The following WDR89 variants were observed in gnomAD, a reference collection of about 807,000 sequenced individuals.
WDR89 encodes WD repeat domain 89.
A neutral mutation model predicts 29.1 loss-of-function variants in WDR89; 17 were observed. The ratio of observed to expected loss-of-function variants is 0.58; its 90% confidence interval spans 0.40 to 0.88. WDR89 has a LOEUF of 0.88. Among genes scored for constraint, WDR89 ranks in the 40% least tolerant of loss-of-function variants. WDR89 has a pLI of 0.00. For missense variants in WDR89, 396 were observed against 456.3 expected, an observed-to-expected ratio of 0.87 and a Z score of 1.20; for synonymous variants, 138 against 157.8, an observed-to-expected ratio of 0.87 and a Z score of 0.94.
intron 1 of WDR89, chr14:63,641,251 A>C (rs960120457): frequency 6.6e-6 from 1 of 152,260 alleles, no homozygotes; most frequent in Non-Finnish European, 1.5e-5. Flanking sequence ...AGAATGAGTA[A>C]TGTCTAACAC....
At chr14:63,639,039 T>C (rs368900689) in intron 1 of WDR89, among the ~76,000 whole-genome samples, 3 of 152,210 alleles carry the variant, frequency 2.0e-5, no homozygotes, top group Admixed American at 6.5e-5. Context: ...GAGAAAGTGG[T>C]ATGATGATAG....
At chr14:63,637,517 C>A (rs1484460764) in intron 1 of WDR89, among the ~76,000 whole-genome samples, 2 of 152,228 alleles carry the variant, frequency 1.3e-5, no homozygotes, top group Non-Finnish European at 2.9e-5. Context: ...AATCCAAATG[C>A]CCATCAATCA....
intron 1 of WDR89, among the ~76,000 whole-genome samples, chr14:63,639,741 G>A (rs1883979102): frequency 6.6e-6 from 1 of 152,172 alleles, no homozygotes; most frequent in Non-Finnish European, 1.5e-5. Context: ...AAGTAAAAAA[G>A]CAGTAGCATC....
rs975429749 is a variant in WDR89 at position 63,619,408 on chromosome 14, T to C, written c.-32+5520A>G. Among the ~76,000 whole-genome samples the C allele has an allele frequency of 3.9e-5, 6 of 152,218 alleles. No homozygotes were observed. The South Asian group carries it at 6.2e-4, about 16-fold the overall frequency. On this transcript the variant is annotated intron_variant, in intron 2 of 2. Coordinates refer to ENST00000620954, the MANE Select transcript of WDR89 (RefSeq NM_080666.4). The stretch of plus-strand genomic sequence containing the variant: ...TAGCTTAGTCTCTACTATTCTTCTA[T>C]ACATGATGTACAGAATGCAATTTTA...
At chr14:63,628,856 T>G (rs2139561466) in intron 1 of WDR89, among the ~76,000 whole-genome samples, 1 of 151,306 alleles carries the variant, frequency 6.6e-6, no homozygotes, top group East Asian at 1.9e-4. Context: ...CCCAGCAACT[T>G]GGGAGGCTAA....
chr14:63,606,519 G>A (rs1020277069), intron 2 of WDR89, among the ~76,000 whole-genome samples: 1 of 152,104 alleles, frequency 6.6e-6, no homozygotes, highest in African/African-American at 2.4e-5. Context: ...ATTTACCATT[G>A]TGTTACAACT....
chr14:63,616,961 G>C (rs1223024848), intron 2 of WDR89, among the ~76,000 whole-genome samples: 1 of 151,520 alleles, frequency 6.6e-6, no homozygotes, highest in Non-Finnish European at 1.5e-5. Context: ...CAAGTGGTGT[G>C]AGAGAAGGGC....
At chr14:63,625,946 C>T (rs1027144887) in intron 1 of WDR89, among the ~76,000 whole-genome samples, 6 of 151,720 alleles carry the variant, frequency 4.0e-5, no homozygotes, top group Admixed American at 1.3e-4. Context: ...CTCTGCCTCC[C>T]GGGTTCAAGC....
intron 1 of WDR89, among the ~76,000 whole-genome samples, chr14:63,632,294 C>T (rs913383095): frequency 8.6e-5 from 13 of 151,708 alleles, no homozygotes; most frequent in African/African-American, 2.4e-5. Flanking sequence ...AGGGAAAGTA[C>T]GGGATTCTGT....
chr14:63,609,770 C>T (rs963081395), intron 2 of WDR89, among the ~76,000 whole-genome samples: 2 of 151,300 alleles, frequency 1.3e-5, no homozygotes, highest in Non-Finnish European at 2.9e-5. Flanking sequence ...AGGCTGGAGA[C>T]AGAGAGAAAC....
chr14:63,623,138 C>G (rs1882804525), intron 2 of WDR89, among the ~76,000 whole-genome samples: 1 of 145,374 alleles, frequency 6.9e-6, no homozygotes, highest in African/African-American at 2.6e-5. Flanking sequence ...ACAGAGGTTG[C>G]AGTGAACCCA....
chr14:63,600,222 G>A (rs1894997352), intron 2 of WDR89, among the ~76,000 whole-genome samples: 1 of 152,150 alleles, frequency 6.6e-6, no homozygotes, highest in African/African-American at 2.4e-5. Flanking sequence ...TACCAGGAGT[G>A]GTGGCTCACA....
intron 2 of WDR89, among the ~76,000 whole-genome samples, chr14:63,613,540 G>A (rs1483391049): frequency 4.9e-5 from 7 of 142,378 alleles, no homozygotes; most frequent in African/African-American, 1.3e-4. Flanking sequence ...GTCTCACTCC[G>A]TTGCCCAGAC....
chr14:63,634,172 A>G (rs1883584232), intron 1 of WDR89, among the ~76,000 whole-genome samples: 1 of 152,214 alleles, frequency 6.6e-6, no homozygotes, highest in South Asian at 2.1e-4. Context: ...GTATCACTTC[A>G]GTCCAGGAGT....
chr14:63,635,402 G>T (rs1337050755), intron 1 of WDR89, among the ~76,000 whole-genome samples: 5 of 152,114 alleles, frequency 3.3e-5, no homozygotes, highest in African/African-American at 1.2e-4. Context: ...AATAGATACA[G>T]AAAAAGCATT....
At chr14:63,629,316 C>T (rs902717247) in intron 1 of WDR89, among the ~76,000 whole-genome samples, 1 of 152,160 alleles carries the variant, frequency 6.6e-6, no homozygotes, top group Non-Finnish European at 1.5e-5. Flanking sequence ...TAACTCCAAA[C>T]TTCATCTCTT....
chr14:63,629,667 T>C (rs1883273074), intron 1 of WDR89, among the ~76,000 whole-genome samples: 1 of 152,184 alleles, frequency 6.6e-6, no homozygotes. Context: ...CTGATCATAA[T>C]GTGTGATGTT....
chr14:63,616,821 C>A (rs761709805), intron 2 of WDR89, among the ~76,000 whole-genome samples: 1 of 152,080 alleles, frequency 6.6e-6, no homozygotes, highest in Admixed American at 6.5e-5. Context: ...GGGCTGCTGC[C>A]TGGAGAACAG....
At chr14:63,640,389 T>A (rs979788357) in intron 1 of WDR89, among the ~76,000 whole-genome samples, 1 of 152,232 alleles carries the variant, frequency 6.6e-6, no homozygotes, top group African/African-American at 2.4e-5. Context: ...ACTTGTCCAG[T>A]CAAAGGTCAG....
Sources: gnomAD v4.1 joint callset for allele counts (sites outside exome capture counted in the v4.1 genomes callset) on GRCh38, gnomAD v4.1.1 for gene constraint, MANE v1.5 for transcripts, NCBI Gene and HGNC (gene_info 2026-07-23, HGNC 2026-07-21) for gene names.